ERBB4: variants seen among roughly 807,000 people sequenced by gnomAD.
ERBB4 encodes the protein receptor tyrosine-protein kinase erbB-4.
In ERBB4, 42 loss-of-function variants were observed where a neutral mutation model predicts 158.0. That is an observed-to-expected ratio of 0.27 (90% CI 0.21 to 0.34). ERBB4 has a LOEUF of 0.34. Ranked by LOEUF, ERBB4 falls within the 10% of genes least tolerant of loss-of-function variation. The pLI is 1.00. For missense variants in ERBB4, 1,333 were observed against 1,624.1 expected (o/e 0.82, Z 3.08); for synonymous variants, 583 against 558.7 (o/e 1.04, Z -0.61).
At position 211,436,616 on chromosome 2, in the gene ERBB4, T is replaced by C. The variant is rs537255667; in HGVS notation, c.2488-5516A>G. Among the ~76,000 whole-genome samples the C allele has an allele frequency of 3.6e-4, 55 of 152,334 alleles. 1 individual carries two copies. The highest frequency in any genetic ancestry group is 3.1e-4 in the Non-Finnish European group (21 of 68,030). The stretch of plus-strand genomic sequence containing the variant: ...TGGATAGCTATCAACAATCCTAGAA[T>C]GCACAAGAATTACTTACCCTCCTTA... On this transcript the variant is annotated intron_variant, in intron 20 of 27. Transcript: ENST00000342788.
intron 1 of ERBB4, among the ~76,000 whole-genome samples, chr2:212,481,439 G>A (rs1665382458): frequency 6.6e-6 from 1 of 152,074 alleles, no homozygotes; most frequent in South Asian, 2.1e-4. Context: ...TTTAATCCTA[G>A]CATAAAGAGA....
intron 1 of ERBB4, among the ~76,000 whole-genome samples, chr2:212,304,465 A>G (rs7562228): frequency 0.56 from 85,454 of 151,260 alleles, 27,808 homozygotes; most frequent in East Asian, 0.84. Context: ...CTGGCTTGAT[A>G]AAGAACACAT....
chr2:211,642,435 C>T (rs986040023), intron 16 of ERBB4, among the ~76,000 whole-genome samples: 4 of 151,944 alleles, frequency 2.6e-5, no homozygotes, highest in African/African-American at 7.2e-5. Flanking sequence ...CTATTTGCTC[C>T]GTGTTACCCT....
intron 1 of ERBB4, among the ~76,000 whole-genome samples, chr2:212,133,600 A>C (rs1311767983): frequency 6.6e-6 from 1 of 151,366 alleles, no homozygotes; most frequent in Non-Finnish European, 1.5e-5. Flanking sequence ...TTCAGTAAAC[A>C]TTTGTTAAAT....
At chr2:211,904,123 A>T (rs2079311748) in intron 3 of ERBB4, among the ~76,000 whole-genome samples, 1 of 152,134 alleles carries the variant, frequency 6.6e-6, no homozygotes, top group Non-Finnish European at 1.5e-5. Flanking sequence ...TGAAGATAAT[A>T]TGCACTAATA....
chr2:211,851,087 C>A (rs534138212), intron 3 of ERBB4, among the ~76,000 whole-genome samples: 1 of 151,950 alleles, frequency 6.6e-6, no homozygotes, highest in Admixed American at 6.6e-5. Flanking sequence ...AACTAACCAG[C>A]CTGCAATAAA....
intron 19 of ERBB4, among the ~76,000 whole-genome samples, chr2:211,600,700 T>C (rs529537221): frequency 3.9e-5 from 6 of 152,260 alleles, no homozygotes; most frequent in African/African-American, 1.2e-4. Context: ...GTCACTACAT[T>C]TGGGGACACC....
chr2:211,997,531 C>A (rs2082228603), intron 2 of ERBB4, among the ~76,000 whole-genome samples: 1 of 151,840 alleles, frequency 6.6e-6, no homozygotes, highest in Admixed American at 6.6e-5. Flanking sequence ...AGATATTATG[C>A]CATTTGTATA....
chr2:212,306,309 AAAAC>A (rs1370615863), intron 1 of ERBB4, among the ~76,000 whole-genome samples: 6 of 151,462 alleles, frequency 4.0e-5, no homozygotes, highest in Non-Finnish European at 8.9e-5. Context: ...TTTCAAGAAG[AAAAC>A]AAACAAACTC....
intron 1 of ERBB4, among the ~76,000 whole-genome samples, chr2:212,166,107 A>G (rs1377241857): frequency 6.6e-6 from 1 of 152,036 alleles, no homozygotes; most frequent in Non-Finnish European, 1.5e-5. Flanking sequence ...GTTTGGTTCA[A>G]CAAATATTGG....
intron 1 of ERBB4, among the ~76,000 whole-genome samples, chr2:212,148,299 G>A (rs2080751729): frequency 6.6e-6 from 1 of 151,802 alleles, no homozygotes; most frequent in Non-Finnish European, 1.5e-5. Flanking sequence ...CTACAAAGAG[G>A]AATATACTTA....
intron 25 of ERBB4, among the ~76,000 whole-genome samples, chr2:211,418,712 G>A (rs950144870): frequency 6.6e-6 from 1 of 151,974 alleles, no homozygotes; most frequent in African/African-American, 2.4e-5. Context: ...GTTGTAACCA[G>A]AAGTAATGAA....
intron 2 of ERBB4, among the ~76,000 whole-genome samples, chr2:211,977,815 T>C (rs1484703716): frequency 7.3e-6 from 1 of 136,800 alleles, no homozygotes. Context: ...CAACCAGCCA[T>C]GCCATTGCAC....
chr2:211,746,888 T>C (rs2074991472), intron 5 of ERBB4, among the ~76,000 whole-genome samples: 1 of 151,462 alleles, frequency 6.6e-6, no homozygotes, highest in African/African-American at 2.4e-5. Context: ...GTGTTTCTTA[T>C]GGAACCTAAG....
At chr2:211,900,159 T>C (rs1043898782) in intron 3 of ERBB4, among the ~76,000 whole-genome samples, 1 of 152,134 alleles carries the variant, frequency 6.6e-6, no homozygotes, top group African/African-American at 2.4e-5. Flanking sequence ...TCCTGAACTT[T>C]AAAGTGATTC....
chr2:212,238,450 T>C (rs1329493942), intron 1 of ERBB4, among the ~76,000 whole-genome samples: 1 of 152,092 alleles, frequency 6.6e-6, no homozygotes, highest in East Asian at 1.9e-4. Context: ...GGTACCTCAG[T>C]TGGAAATGCA....
chr2:211,927,690 G>A (rs1252023902), intron 3 of ERBB4, among the ~76,000 whole-genome samples: 1 of 151,710 alleles, frequency 6.6e-6, no homozygotes, highest in South Asian at 2.1e-4. Context: ...AAACAATCAG[G>A]TTCTACACTT....
chr2:211,954,590 T>TA (rs2080976466), intron 2 of ERBB4, among the ~76,000 whole-genome samples: 1 of 152,044 alleles, frequency 6.6e-6, no homozygotes, highest in African/African-American at 2.4e-5. Context: ...TTAAGGTCAA[T>TA]AGACTAAGTC....
At chr2:212,238,813 T>C (rs1262492222) in intron 1 of ERBB4, among the ~76,000 whole-genome samples, 1 of 152,084 alleles carries the variant, frequency 6.6e-6, no homozygotes, top group Non-Finnish European at 1.5e-5. Context: ...TTTTTTTTGT[T>C]TTTGTTTATT....
Sources: gnomAD v4.1 joint callset for allele counts (sites outside exome capture counted in the v4.1 genomes callset) on GRCh38, gnomAD v4.1.1 for gene constraint, MANE v1.5 for transcripts, NCBI Gene and HGNC (gene_info 2026-07-23, HGNC 2026-07-21) for gene names.